Variants in VLDLR observed in about 807,000 individuals in gnomAD.
The protein encoded by VLDLR is very low-density lipoprotein receptor.
VLDLR carries 81 observed loss-of-function variants against 112.7 expected under a neutral mutation model. The ratio of observed to expected loss-of-function variants is 0.72; its 90% CI spans 0.60 to 0.86. The LOEUF (loss-of-function observed/expected upper bound fraction) is 0.86, where lower values mean the gene tolerates loss of function less well. Ranked by LOEUF, VLDLR falls within the 40% of genes least tolerant of loss-of-function variation. The pLI is 0.00. For missense variants in VLDLR, 1,237 were observed against 1,099.4 expected (o/e 1.13, Z -1.77); for synonymous variants, 436 against 384.8 (o/e 1.13, Z -1.56).
At chr9:2,637,853 G>C (rs1817661916) in intron 2 of VLDLR, among the ~76,000 whole-genome samples, 2 of 152,194 alleles carry the variant, frequency 1.3e-5, no homozygotes, top group Non-Finnish European at 2.9e-5. Flanking sequence ...TGAGGCAGGA[G>C]AATGGCGTGA....
At chr9:2,645,512 T>A in intron 9 of VLDLR, 62 bp from the exon 10 acceptor site, 1 of 1,581,942 alleles carries the variant, frequency 6.3e-7, no homozygotes, top group East Asian at 2.2e-5. Context: ...TGGGAGGAGG[T>A]GGTTTAGAAA....
rs752411726 is a variant in VLDLR, at chr9:2,651,437, C to T, written c.2274C>T (p.Tyr758=). 1.2e-5 allele frequency: 19 copies of T among 1,613,932 alleles called. No individual in the cohort carries two copies. Among genetic ancestry groups the T allele is most frequent in the Non-Finnish European group, 1.5e-5 (18 of 1,179,928 alleles). ...CAGGTACTGCAACTACTGTGACTTA[C>T]AGTGAGACAAAAGATACGAACACAA... ...DCQSTATTVT[Y]SETKDTNTTE... is the part of the protein sequence containing the mutation. Residue 758 remains tyrosine (Y), a synonymous_variant, in exon 16 of 19, where the codon TAC becomes TAT. Transcript: ENST00000382100.
intron 2 of VLDLR, among the ~76,000 whole-genome samples, chr9:2,638,532 ATAATC>A (rs140954709): frequency 0.04 from 6,090 of 152,320 alleles, 416 homozygotes; most frequent in African/African-American, 0.14. Context: ...AAGAAAGAAT[ATAATC>A]TAAGAAAGAT....
chr9:2,626,294 G>C (rs1000591976), intron 1 of VLDLR, among the ~76,000 whole-genome samples: 30 of 152,166 alleles, frequency 2.0e-4, no homozygotes, highest in Non-Finnish European at 2.6e-4. Context: ...TAATTTTATA[G>C]ACTATTTTTA....
intron 1 of VLDLR, among the ~76,000 whole-genome samples, chr9:2,626,086 A>G (rs1484345538): frequency 2.6e-5 from 4 of 152,254 alleles, no homozygotes; most frequent in Non-Finnish European, 5.9e-5. Flanking sequence ...CAGGAACCAA[A>G]TGAGATGGCA....
In VLDLR at chr9:2,656,515, A is replaced by AATG. The variant is rs1417283435; in HGVS notation, c.*2650_*2652dup. On this transcript the variant is annotated 3_prime_UTR_variant, in exon 19 of 19. Coordinates refer to ENST00000382100, the MANE Select transcript of VLDLR (RefSeq NM_003383.5). ...ATACAGCTTGCAATAATAGTGCATG[A>AATG]ATGATAACAGGCCTCGGCTTTATCA... 1 of 152,216 alleles carries AATG rather than the reference A, an allele frequency of 6.6e-6. No homozygotes were observed. The highest frequency in any genetic ancestry group is 1.5e-5 in the Non-Finnish European group (1 of 68,044). The allele number at this position is 152,216 out of a possible 1,614,324, so 9.4% of individuals were successfully genotyped here. A position where few individuals can be genotyped will look rare whatever the true frequency, so the allele number is the denominator to read the frequency against.
At chr9:2,630,269 G>A (rs1817282851) in intron 1 of VLDLR, among the ~76,000 whole-genome samples, 1 of 152,150 alleles carries the variant, frequency 6.6e-6, no homozygotes. Flanking sequence ...CCTGAAAGGA[G>A]TTTTAGCTTA....
chr9:2,634,996 C>A (rs1019820618), intron 1 of VLDLR, among the ~76,000 whole-genome samples: 25 of 152,274 alleles, frequency 1.6e-4, no homozygotes, highest in African/African-American at 5.5e-4. Flanking sequence ...AGTCCACAGG[C>A]AGAGATGATG....
At chr9:2,648,164 G>A in intron 12 of VLDLR, 44 bp from the exon 13 acceptor site, 1 of 1,612,316 alleles carries the variant, frequency 6.2e-7, no homozygotes, top group Non-Finnish European at 8.5e-7. Flanking sequence ...GGAAGCCAGA[G>A]TAGTAGTGGC....
chr9:2,639,222 T>C (rs1382276103), intron 2 of VLDLR, among the ~76,000 whole-genome samples: 1 of 152,208 alleles, frequency 6.6e-6, no homozygotes, highest in African/African-American at 2.4e-5. Flanking sequence ...GAGGGCTGTC[T>C]TTCTGGTTTG....
intron 2 of VLDLR, among the ~76,000 whole-genome samples, chr9:2,639,292 G>C (rs1436517692): frequency 6.6e-6 from 1 of 152,206 alleles, no homozygotes; most frequent in African/African-American, 2.4e-5. Flanking sequence ...GAGAGAGTAA[G>C]CGCTCTGGTT....
chr9:2,648,422 G>C (rs1015427736), intron 13 of VLDLR, 75 bp downstream of exon 13: 3 of 1,604,340 alleles, frequency 1.9e-6, no homozygotes, highest in Non-Finnish European at 2.6e-6. Flanking sequence ...CAGACATAGC[G>C]GGAGGAGGGA....
In VLDLR at chr9:2,648,728, T is replaced by G. The variant is rs774470210; in HGVS notation, c.2022T>G (p.Thr674=). The change falls in exon 14 of 19, where the codon ACT becomes ACG. Residue 674 remains threonine, a synonymous_variant. Coordinates refer to ENST00000382100, the MANE Select transcript of VLDLR (RefSeq NM_003383.5). ...CAGTCTATGGTGCCAATAAATTCAC[T>G]GGATCAGAGCTAGCCACTCTAGTCA... The part of the protein sequence containing the change: ...NEAVYGANKF[T]GSELATLVNN... 1 of 1,614,200 alleles carries G rather than the reference T, an allele frequency of 6.2e-7. No homozygotes were observed. The highest frequency in any genetic ancestry group is 8.5e-7 in the Non-Finnish European group (1 of 1,180,030).
intron 11 of VLDLR, among the ~76,000 whole-genome samples, chr9:2,646,989 G>C (rs1371808553): frequency 1.3e-5 from 2 of 152,138 alleles, no homozygotes; most frequent in African/African-American, 2.4e-5. Flanking sequence ...TTGTCTGAAA[G>C]TCCAGCAGAA....
Position 2,644,806 on chromosome 9 carries a change from G to C in VLDLR, c.1139G>C (p.Cys380Ser). 6.2e-7 allele frequency: 1 copy of C among 1,614,212 alleles called. No homozygotes were observed. Among genetic ancestry groups the C allele is most frequent in the Non-Finnish European group, 8.5e-7 (1 of 1,180,022 alleles). ...ICKDLVIGYE[C>S]DCAAGFELID... ...AAAGACCTAGTTATAGGCTACGAGT[G>C]TGACTGTGCAGCTGGGTTTGAACTG... Residue 380 changes from cysteine to serine, a missense_variant, in exon 8 of 19, where the codon TGT becomes TCT. Transcript: ENST00000382100.
chr9:2,650,565 A>G lies in VLDLR; in HGVS notation c.2251+49A>G, dbSNP rs750419032. On this transcript the variant is annotated intron_variant, in intron 15 of 18. Coordinates refer to ENST00000382100, the MANE Select transcript of VLDLR (RefSeq NM_003383.5). ...ACAAGTAGAACCTACAACAAGCAAT[A>G]TAATAAGACACAAGCTTGGATTTTT... The G allele has an allele frequency of 1.2e-5, 20 of 1,607,828 alleles. No individual in the cohort carries two copies. The East Asian group carries it at 3.8e-4, about 30-fold the overall frequency.
chr9:2,633,714 C>G (rs1817471224), intron 1 of VLDLR, among the ~76,000 whole-genome samples: 1 of 152,154 alleles, frequency 6.6e-6, no homozygotes, highest in Admixed American at 6.5e-5. Context: ...GACTACAAAT[C>G]ATTCTTTTCC....
At position 2,649,856 on chromosome 9, in the gene VLDLR, T is replaced by C. The variant is rs186433038; in HGVS notation, c.2105-514T>C. On this transcript the variant is annotated intron_variant, in intron 14 of 18. Transcript: ENST00000382100. ...CAACTCATAACACCTACTTTCCCCC[T>C]GTGACACACCTGATATAGGATTGTG... Among the ~76,000 whole-genome samples, 303 of 152,354 alleles carry C rather than the reference T, an allele frequency of 2.0e-3. 2 individuals are homozygous for C. Among genetic ancestry groups the C allele is most frequent in the African/African-American group, 6.8e-3 (281 of 41,580 alleles).
intron 2 of VLDLR, among the ~76,000 whole-genome samples, chr9:2,636,435 C>T (rs1203155197): frequency 6.6e-6 from 1 of 152,196 alleles, no homozygotes; most frequent in Non-Finnish European, 1.5e-5. Flanking sequence ...TAGGTTTCAT[C>T]AACTGCCATC....
Sources: gnomAD v4.1 joint callset for allele counts (sites outside exome capture counted in the v4.1 genomes callset) on GRCh38, gnomAD v4.1.1 for gene constraint, MANE v1.5 for transcripts, NCBI Gene and HGNC (gene_info 2026-07-23, HGNC 2026-07-21) for gene names.